The following ANHX variants were observed in gnomAD, a reference collection of about 807,000 sequenced individuals.
ANHX encodes anomalous homeobox protein.
In ANHX, 20 loss-of-function variants were observed where a neutral mutation model predicts 38.9. The ratio of observed to expected loss-of-function variants is 0.51; its 90% CI spans 0.36 to 0.75. The LOEUF is 0.75. ANHX is among the 30% of genes least tolerant of loss of function. The probability of loss-of-function intolerance (pLI) is 0.00; values close to 1 mark genes in which losing one functional copy is unlikely to be tolerated. For missense variants in ANHX, 475 were observed against 493.1 expected, an observed-to-expected ratio of 0.96 and a Z score of 0.35; for synonymous variants, 185 against 203.1, an observed-to-expected ratio of 0.91 and a Z score of 0.76.
intron 2 of ANHX, 112 bp from the exon 3 acceptor site, chr12:133,231,756 G>C (rs564931978): frequency 7.5e-7 from 1 of 1,341,806 alleles, no homozygotes; most frequent in East Asian, 2.5e-5. Flanking sequence ...GTGATGGGAA[G>C]AGCAGGGTTC....
chr12:133,227,089 G>A lies in ANHX; in HGVS notation c.565C>T (p.Arg189Trp), dbSNP rs1027724791. Reference protein sequence around the residue: ...EQVYNWFANYRRRQRALPQHM... With the variant: ...EQVYNWFANYWRRQRALPQHM... ...TGGGGAAGGGCTCTTTGGCGGCGCC[G>A]GTAATTGGCAAACCAGTTGTACACC... Residue 189 changes from arginine (R) to tryptophan (W), a missense_variant, in exon 5 of 10, where the codon CGG (arginine) becomes TGG (tryptophan). Transcript: ENST00000545940. 3.5e-5 allele frequency: 53 copies of A among 1,535,932 alleles called. No homozygotes were observed. The highest frequency in any genetic ancestry group is 7.8e-5 in the Admixed American group (4 of 50,966).
rs36140725 is a variant in ANHX, at chr12:133,219,374, A to G, written c.1281-7T>C. ...TGGGGCCAGCTCTGGAGGGCTGGAAAAGAGACAGTGTAAGAATAGGCCCTA... is the reference window on the plus strand; with the variant it reads ...TGGGGCCAGCTCTGGAGGGCTGGAAGAGAGACAGTGTAAGAATAGGCCCTA... On this transcript the variant is annotated splice_region_variant and splice_polypyrimidine_tract_variant and intron_variant, in intron 8 of 9. Coordinates refer to ENST00000545940, the MANE Select transcript of ANHX (RefSeq NM_001372060.1). The G allele has an allele frequency of 0.45, 679,816 of 1,515,820 alleles. 159,093 individuals are homozygous for G. The highest frequency in any genetic ancestry group is 0.8 in the East Asian group (32,735 of 40,708). The allele number at this position is 1,515,820 out of a possible 1,614,324, so 93.9% of individuals were successfully genotyped here. A position where few individuals can be genotyped will look rare whatever the true frequency, so the allele number is the denominator to read the frequency against.
intron 7 of ANHX, among the ~76,000 whole-genome samples, chr12:133,223,822 G>A (rs1297870612): frequency 4.0e-5 from 6 of 151,636 alleles, no homozygotes; most frequent in Non-Finnish European, 5.9e-5. Flanking sequence ...GACCCTCAGC[G>A]TGAAATTTCA....
chr12:133,227,279 G>A (rs1236849334), intron 4 of ANHX, 127 bp from the exon 5 acceptor site: 4 of 1,019,408 alleles, frequency 3.9e-6, no homozygotes, highest in Non-Finnish European at 5.6e-6. Flanking sequence ...CCTCTCCAAG[G>A]ACAGCAGAGA....
Position 133,234,150 on chromosome 12 carries a change from C to T in ANHX, c.207G>A (p.Leu69=), listed in dbSNP as rs1390779817. Reference sequence around the variant, plus strand: ...CCGCCTGCTGCTGCTCCTGCTGGTCCAGGACACGGGCGCACGCCAGGGCCA... The same window carrying T: ...CCGCCTGCTGCTGCTCCTGCTGGTCTAGGACACGGGCGCACGCCAGGGCCA... ...ADVALACARV[L]DQQEQQQAAC... The change falls in exon 2 of 10, where the codon CTG becomes CTA. Residue 69 remains leucine (L), a synonymous_variant. Transcript: ENST00000545940. The T allele has an allele frequency of 3.3e-6, 5 of 1,536,080 alleles. No homozygotes were observed. The highest frequency in any genetic ancestry group is 2.4e-5 in the South Asian group (2 of 84,046).
intron 7 of ANHX, among the ~76,000 whole-genome samples, chr12:133,222,401 G>A (rs956542532): frequency 8.5e-5 from 13 of 152,182 alleles, no homozygotes; most frequent in African/African-American, 2.6e-4. Flanking sequence ...GAGAGCATCC[G>A]GGTACCCAGG....
At chr12:133,220,772 GTCA>G (rs1373280362) in intron 8 of ANHX, among the ~76,000 whole-genome samples, 2 of 152,166 alleles carry the variant, frequency 1.3e-5, no homozygotes, top group Non-Finnish European at 1.5e-5. Context: ...GAAGGCCCTG[GTCA>G]TCTTCTGTTT....
chr12:133,227,932 G>A lies in ANHX; in HGVS notation c.393C>T (p.Pro131=). The part of the protein sequence containing the change: ...FRCRKRNPPP[P]SLCPEGLKSR... The stretch of plus-strand genomic sequence containing the variant: ...TCTTCAGCCCCTCTGGGCAGAGGGA[G>A]GGGGGCGGGGGGTTCCTGGGTAAGG... The change falls in exon 4 of 10, where the codon CCC becomes CCT. Residue 131 remains proline, a synonymous_variant. Transcript: ENST00000545940. 1.1e-6 allele frequency: 1 copy of A among 909,968 alleles called. No homozygotes were observed. The highest frequency in any genetic ancestry group is 1.6e-6 in the Non-Finnish European group (1 of 632,970). 56.4% of individuals were successfully genotyped at this position (909,968 alleles called of 1,614,324 possible).
intron 7 of ANHX, among the ~76,000 whole-genome samples, chr12:133,223,328 A>C (rs942878578): frequency 2.0e-5 from 3 of 152,146 alleles, no homozygotes; most frequent in Non-Finnish European, 4.4e-5. Context: ...GAGTTCCAAC[A>C]TCCAAATAAC....
chr12:133,226,511 C>T (rs1440526159), intron 5 of ANHX, 73 bp from the exon 6 acceptor site: 5 of 1,471,192 alleles, frequency 3.4e-6, no homozygotes, highest in Non-Finnish European at 4.5e-6. Flanking sequence ...CAGGTATGAG[C>T]AGCCCTGCTG....
intron 9 of ANHX, 125 bp from the exon 10 acceptor site, chr12:133,219,096 T>G: frequency 9.7e-7 from 1 of 1,029,160 alleles, no homozygotes; most frequent in Non-Finnish European, 1.4e-6. Flanking sequence ...GGAGGGAATG[T>G]TGCCCCACAG....
In ANHX at chr12:133,221,100, G is replaced by A; in HGVS notation, c.1280+105C>T. 2 of 1,368,890 alleles carry A rather than the reference G, an allele frequency of 1.5e-6. No individual in the cohort carries two copies. The highest frequency in any genetic ancestry group is 5.1e-5 in the East Asian group (2 of 38,952). The allele number at this position is 1,368,890 out of a possible 1,614,324, so 84.8% of individuals were successfully genotyped here. A position where few individuals can be genotyped will look rare whatever the true frequency, so the allele number is the denominator to read the frequency against. On this transcript the variant is annotated intron_variant, in intron 8 of 9. Coordinates refer to ENST00000545940, the MANE Select transcript of ANHX (RefSeq NM_001372060.1). The surrounding 1 kb of genome is among the most constrained non-coding windows in gnomAD (Gnocchi z 4.1). ...CAGTTTTCAGCAATCCAAAGGAGAG[G>A]ACCCTATCTGCACAGTCCGGGACGG...
At chr12:133,229,351 C>A (rs1480364439) in intron 3 of ANHX, among the ~76,000 whole-genome samples, 2 of 152,250 alleles carry the variant, frequency 1.3e-5, no homozygotes, top group East Asian at 3.9e-4. Context: ...CATCCCAGTG[C>A]CTACTTGGAC....
At chr12:133,220,564 T>C (rs150787656) in intron 8 of ANHX, among the ~76,000 whole-genome samples, 1 of 152,308 alleles carries the variant, frequency 6.6e-6, no homozygotes, top group East Asian at 1.9e-4. Context: ...TCAACCTGGT[T>C]GCAGCTCCCT....
chr12:133,223,223 C>CA (rs1957135869), intron 7 of ANHX, among the ~76,000 whole-genome samples: 1 of 151,198 alleles, frequency 6.6e-6, no homozygotes, highest in Non-Finnish European at 1.5e-5. Context: ...ACTGTTAAAG[C>CA]AAAAAATCAG....
rs757234258 is a variant in ANHX at position 133,234,369 on chromosome 12, C to T, written c.-13G>A. 4.0e-5 allele frequency: 61 copies of T among 1,527,368 alleles called. No homozygotes were observed. The Middle Eastern group carries it at 8.4e-4, about 21-fold the overall frequency. The allele number at this position is 1,527,368 out of a possible 1,614,324, so 94.6% of individuals were successfully genotyped here. On this transcript the variant is annotated 5_prime_UTR_variant, in exon 2 of 10. Coordinates refer to ENST00000545940, the MANE Select transcript of ANHX (RefSeq NM_001372060.1). ...GGAAGCTCTGCATCCTGTGCTGGGT[C>T]GTGGCCACTCTGCCAACACAAACAG...
At chr12:133,222,598 G>A (rs1957125632) in intron 7 of ANHX, among the ~76,000 whole-genome samples, 1 of 152,172 alleles carries the variant, frequency 6.6e-6, no homozygotes, top group African/African-American at 2.4e-5. Context: ...ACAGGCAAAT[G>A]TGAGTGTCCA....
intron 3 of ANHX, among the ~76,000 whole-genome samples, chr12:133,229,649 A>G (rs1355205065): frequency 6.6e-6 from 1 of 152,102 alleles, no homozygotes; most frequent in African/African-American, 2.4e-5. Flanking sequence ...AACCTCCTAG[A>G]AACTCCAGCA....
In ANHX at chr12:133,218,966, C is replaced by T; in HGVS notation, c.1371G>A (p.Gln457=). The change falls in exon 10 of 10, where the codon CAG becomes CAA. Residue 457 remains glutamine, a synonymous_variant. Coordinates refer to ENST00000545940, the MANE Select transcript of ANHX (RefSeq NM_001372060.1). ...LSQALPSSQV[Q]CSDSQASGDA... The stretch of plus-strand genomic sequence containing the variant: ...CACCAGAGGCCTGGCTATCAGAACA[C>T]TGCACCTGGAAGACAACACAGTGGT... 1 of 1,534,020 alleles carries T rather than the reference C, an allele frequency of 6.5e-7. No individual in the cohort carries two copies. Among genetic ancestry groups the T allele is most frequent in the Non-Finnish European group, 8.7e-7 (1 of 1,145,432 alleles).
Sources: allele counts gnomAD v4.1 joint callset (sites outside exome capture counted in the v4.1 genomes callset), GRCh38; gene constraint gnomAD v4.1.1; non-coding constraint Gnocchi (gnomAD v3.1); transcripts MANE v1.5; gene names NCBI Gene and HGNC (gene_info 2026-07-23, HGNC 2026-07-21).